Variants in NRXN1 observed in about 807,000 individuals in gnomAD.
The protein encoded by NRXN1 is neurexin-1.
A neutral mutation model predicts 150.9 loss-of-function variants in NRXN1; 39 were observed. That is an observed-to-expected ratio of 0.26 (90% CI 0.20 to 0.34). The LOEUF (loss-of-function observed/expected upper bound fraction) is 0.34, where lower values mean the gene tolerates loss of function less well. Ranked by LOEUF, NRXN1 falls within the 10% of genes least tolerant of loss-of-function variation. The pLI is 1.00. For missense variants in NRXN1, 1,815 were observed against 1,949.9 expected (o/e 0.93, Z 1.30); for synonymous variants, 924 against 757.0 (o/e 1.22, Z -3.62).
intron 22 of NRXN1, among the ~76,000 whole-genome samples, chr2:49,936,369 G>T (rs565774110): frequency 6.6e-6 from 1 of 152,232 alleles, no homozygotes; most frequent in African/African-American, 2.4e-5. Context: ...GCCTCCATTG[G>T]CACATAACCA....
intron 22 of NRXN1, among the ~76,000 whole-genome samples, chr2:49,943,085 G>A (rs866705009): frequency 6.6e-6 from 1 of 152,062 alleles, no homozygotes; most frequent in Admixed American, 6.5e-5. Flanking sequence ...AGGGCTGTAT[G>A]GTAACAGTAT....
chr2:50,168,013 G>A (rs906426181), intron 18 of NRXN1, among the ~76,000 whole-genome samples: 8 of 150,356 alleles, frequency 5.3e-5, no homozygotes, highest in African/African-American at 1.7e-4. Flanking sequence ...TTTATTTCAA[G>A]GTTTGCATTT....
intron 5 of NRXN1, among the ~76,000 whole-genome samples, chr2:50,725,929 G>A (rs542240031): frequency 6.6e-6 from 1 of 152,258 alleles, no homozygotes; most frequent in Non-Finnish European, 1.5e-5. Context: ...AAGAACAAGA[G>A]AGCATGGAGT....
chr2:50,776,621 T>C (rs940905869), intron 5 of NRXN1, among the ~76,000 whole-genome samples: 1 of 144,620 alleles, frequency 6.9e-6, no homozygotes, highest in Non-Finnish European at 1.5e-5. Context: ...TGTCATACCA[T>C]ACATATAGTG....
intron 18 of NRXN1, among the ~76,000 whole-genome samples, chr2:50,095,960 C>G (rs377451580): frequency 1.6e-5 from 2 of 127,876 alleles, no homozygotes. Flanking sequence ...CAACAGGCCC[C>G]GGTGTGTGAT....
intron 2 of NRXN1, among the ~76,000 whole-genome samples, chr2:50,939,677 T>C (rs950392518): frequency 6.6e-6 from 1 of 152,182 alleles, no homozygotes; most frequent in Admixed American, 6.5e-5. Flanking sequence ...CTAGTCACCA[T>C]GGTACCTAAC....
chr2:51,031,867 A>G (rs1421453885), intron 1 of NRXN1, 114 bp downstream of exon 1: 2 of 152,074 alleles, frequency 1.3e-5, no homozygotes, highest in Non-Finnish European at 1.5e-5. Context: ...CCCACCACCC[A>G]TCTTTCCCTG....
rs772457165 is a variant in NRXN1 at position 50,055,032 on chromosome 2, T to C, written c.3731A>G (p.Asn1244Ser). The change falls in exon 20 of 23, where the codon AAC becomes AGC. Residue 1244 changes from asparagine to serine, a missense_variant. Asn to Ser is a conservative substitution (Grantham distance 46, BLOSUM62 1). Coordinates refer to ENST00000401669, the MANE Select transcript of NRXN1 (RefSeq NM_001330078.2). ...IERYPAGNND[N>S]ERLAIARQRI... ...CTGTCTAGCAATCGCCAGGCGCTCG[T>C]TATCATTGTTTCCTTTAAAGTTTAA... The C allele has an allele frequency of 6.3e-7, 1 of 1,598,004 alleles. No individual in the cohort carries two copies. Among genetic ancestry groups the C allele is most frequent in the Non-Finnish European group, 8.5e-7 (1 of 1,173,370 alleles).
At chr2:50,294,770 G>T (rs2073365667) in intron 17 of NRXN1, among the ~76,000 whole-genome samples, 1 of 152,160 alleles carries the variant, frequency 6.6e-6, no homozygotes, top group Admixed American at 6.5e-5. Context: ...GGCCAAAGGT[G>T]CATCATCACT....
At chr2:50,631,781 A>G (rs1420765044) in intron 5 of NRXN1, among the ~76,000 whole-genome samples, 1 of 151,934 alleles carries the variant, frequency 6.6e-6, no homozygotes, top group African/African-American at 2.4e-5. Context: ...AATGAGACAC[A>G]CAGGGAAAGG....
At position 49,921,756 on chromosome 2, in the gene NRXN1, G is replaced by A. The variant is rs1454499624; in HGVS notation, c.*188C>T. The A allele has an allele frequency of 1.6e-6, 1 of 639,224 alleles. No homozygotes were observed. Among genetic ancestry groups the A allele is most frequent in the African/African-American group, 1.8e-5 (1 of 54,082 alleles). The allele number at this position is 639,224 out of a possible 1,614,324, so 39.6% of individuals were successfully genotyped here. A position where few individuals can be genotyped will look rare whatever the true frequency, so the allele number is the denominator to read the frequency against. On this transcript the variant is annotated 3_prime_UTR_variant, in exon 23 of 23. Coordinates refer to ENST00000401669, the MANE Select transcript of NRXN1 (RefSeq NM_001330078.2). ...TATTGGCCCCTGTTTTTTGTTTTTT[G>A]TTTTTCTTTTTTGAGAAACAAGAGC...
chr2:50,820,868 G>A (rs949813009), intron 5 of NRXN1, among the ~76,000 whole-genome samples: 2 of 152,124 alleles, frequency 1.3e-5, no homozygotes, highest in African/African-American at 4.8e-5. Context: ...GAACACCCAC[G>A]AGGTCTGTTT....
chr2:50,839,476 T>C (rs1672566841), intron 5 of NRXN1, among the ~76,000 whole-genome samples: 1 of 152,256 alleles, frequency 6.6e-6, no homozygotes, highest in Non-Finnish European at 1.5e-5. Context: ...CACACAGATA[T>C]CACGGAACAT....
chr2:50,723,987 C>A (rs1399954471), intron 5 of NRXN1, among the ~76,000 whole-genome samples: 2 of 152,132 alleles, frequency 1.3e-5, no homozygotes, highest in East Asian at 1.9e-4. Flanking sequence ...TTTCTGTTTT[C>A]TCTCTAATTT....
chr2:50,789,435 G>A (rs979737084), intron 5 of NRXN1, among the ~76,000 whole-genome samples: 5 of 152,116 alleles, frequency 3.3e-5, no homozygotes, highest in South Asian at 2.1e-4. Context: ...TAACTCCTAC[G>A]TCTTTCATCT....
intron 17 of NRXN1, among the ~76,000 whole-genome samples, chr2:50,394,411 G>C (rs1023244575): frequency 1.3e-5 from 2 of 152,028 alleles, no homozygotes; most frequent in African/African-American, 4.8e-5. Context: ...CAAGTCTTCC[G>C]CTAATAACAC....
chr2:50,553,160 C>T (rs1296939947), intron 8 of NRXN1, 135 bp from the exon 9 acceptor site: 1 of 653,424 alleles, frequency 1.5e-6, no homozygotes. Flanking sequence ...ATAAAGGCAA[C>T]ATTTCTCAGG....
chr2:50,087,535 G>A (rs960012972), intron 19 of NRXN1, among the ~76,000 whole-genome samples: 16 of 151,930 alleles, frequency 1.1e-4, no homozygotes, highest in African/African-American at 1.7e-4. Flanking sequence ...AAATTTTCCC[G>A]CATAACTGTA....
At chr2:50,493,286 G>A (rs1011117054) in intron 15 of NRXN1, among the ~76,000 whole-genome samples, 1 of 152,100 alleles carries the variant, frequency 6.6e-6, no homozygotes, top group Non-Finnish European at 1.5e-5. Context: ...AATTCCAGCA[G>A]GCATCCAGGT....
Sources: gnomAD v4.1 joint callset for allele counts (sites outside exome capture counted in the v4.1 genomes callset) on GRCh38, gnomAD v4.1.1 for gene constraint, MANE v1.5 for transcripts, NCBI Gene and HGNC (gene_info 2026-07-23, HGNC 2026-07-21) for gene names.